SHISA6: variants seen among roughly 807,000 people sequenced by gnomAD.
The protein encoded by SHISA6 is protein shisa-6.
A neutral mutation model predicts 47.9 loss-of-function variants in SHISA6; 22 were observed. The observed-to-expected ratio is 0.46, with a 90% CI of 0.33 to 0.66. The LOEUF is 0.66. SHISA6 is among the 30% of genes least tolerant of loss of function. The pLI, the probability that SHISA6 is intolerant of heterozygous loss-of-function variation, is 0.02. For synonymous variants in SHISA6, 388 were observed against 337.8 expected, an observed-to-expected ratio of 1.15 and a Z score of -1.63; for missense variants, 680 against 764.6, an observed-to-expected ratio of 0.89 and a Z score of 1.30.
At chr17:11,454,697 A>C (rs1364215956) in intron 3 of SHISA6, among the ~76,000 whole-genome samples, 1 of 152,170 alleles carries the variant, frequency 6.6e-6, no homozygotes, top group Non-Finnish European at 1.5e-5. Context: ...CCACTTTCTC[A>C]AAGGCCCTTC....
intron 2 of SHISA6, among the ~76,000 whole-genome samples, chr17:11,284,329 A>G (rs534681363): frequency 8.5e-5 from 13 of 152,178 alleles, no homozygotes; most frequent in Non-Finnish European, 1.9e-4. Flanking sequence ...GATGTTTTCC[A>G]TCTTCTCTTC....
chr17:11,511,948 T>C (rs189473380), intron 3 of SHISA6, among the ~76,000 whole-genome samples: 138 of 152,288 alleles, frequency 9.1e-4, no homozygotes, highest in Admixed American at 3.1e-3. Context: ...CAAAGGGCCT[T>C]GGGCCAGGAT....
At position 11,241,462 on chromosome 17, in the gene SHISA6, C is replaced by G. The variant is rs749321565; in HGVS notation, c.40C>G (p.Leu14Val). Residue 14 changes from leucine (L) to valine (V), a missense_variant, in exon 1 of 6, where the codon CTG becomes GTG. Physicochemically the swap from Leu to Val is conservative, Grantham distance 32. This residue lies in a region of SHISA6 where 121 missense variants were observed against 90.5 expected (regional missense o/e 1.34). Transcript: ENST00000441885. The surrounding 1 kb of genome is among the most constrained non-coding windows in gnomAD (Gnocchi z 5.5). The stretch of plus-strand genomic sequence containing the variant: ...CCTCCTGCTGCTGCTGCTGCTCTCG[C>G]TGGAGTCCCTGGACCTGCTGCCCAG... ...RRLLLLLLLS[L>V]ESLDLLPSVH... is the part of the protein sequence containing the mutation. The G allele has an allele frequency of 9.9e-6, 12 of 1,214,296 alleles. 1 individual carries two copies. The South Asian group carries it at 1.6e-4, about 17-fold the overall frequency. The allele number at this position is 1,214,296 out of a possible 1,614,324, so 75.2% of individuals were successfully genotyped here.
chr17:11,282,173 T>G (rs925051041), intron 2 of SHISA6, among the ~76,000 whole-genome samples: 1 of 152,132 alleles, frequency 6.6e-6, no homozygotes, highest in Non-Finnish European at 1.5e-5. Context: ...TCAAAAGAGG[T>G]CCCCAAACTT....
chr17:11,483,130 C>T (rs192070856), intron 3 of SHISA6, among the ~76,000 whole-genome samples: 2 of 151,910 alleles, frequency 1.3e-5, no homozygotes, highest in East Asian at 1.9e-4. Context: ...GGAGAAACCC[C>T]GTCTCTACTA....
rs1417881880 is a variant in SHISA6 at position 11,241,334 on chromosome 17, C to T, written c.-89C>T. ...CGCTGACCGCTCAGCGCCTCCAGCC[C>T]GGCCCGCGCGGCGGGTCCTCCGAGC... On this transcript the variant is annotated 5_prime_UTR_variant, in exon 1 of 6. Transcript: ENST00000441885. The surrounding 1 kb of genome is among the most constrained non-coding windows in gnomAD (Gnocchi z 5.5). 2.6e-4 allele frequency: 224 copies of T among 853,152 alleles called. No homozygotes were observed. Among genetic ancestry groups the T allele is most frequent in the Non-Finnish European group, 3.1e-4 (219 of 708,084 alleles). 52.8% of individuals were successfully genotyped at this position (853,152 alleles called of 1,614,324 possible). A position where few individuals can be genotyped will look rare whatever the true frequency, so the allele number is the denominator to read the frequency against.
intron 3 of SHISA6, among the ~76,000 whole-genome samples, chr17:11,522,131 A>G (rs1011590491): frequency 6.6e-6 from 1 of 151,240 alleles, no homozygotes; most frequent in African/African-American, 2.4e-5. Flanking sequence ...ACGCCCGGCT[A>G]ATTTTTTGTA....
chr17:11,366,310 G>A (rs1912448117), intron 2 of SHISA6, among the ~76,000 whole-genome samples: 1 of 152,178 alleles, frequency 6.6e-6, no homozygotes. Context: ...ACCATGCCCA[G>A]CTAATTTTTT....
At chr17:11,307,505 C>T (rs879940530) in intron 2 of SHISA6, among the ~76,000 whole-genome samples, 5 of 152,192 alleles carry the variant, frequency 3.3e-5, no homozygotes, top group African/African-American at 7.2e-5. Flanking sequence ...TCAGCCCAGA[C>T]GTGGCTCACA....
intron 3 of SHISA6, among the ~76,000 whole-genome samples, chr17:11,509,762 T>C (rs1383924131): frequency 1.3e-5 from 2 of 152,118 alleles, no homozygotes; most frequent in African/African-American, 2.4e-5. Context: ...CACTCTGGGA[T>C]AGAAGAGAGA....
At chr17:11,491,662 G>T (rs989332392) in intron 3 of SHISA6, among the ~76,000 whole-genome samples, 1 of 152,020 alleles carries the variant, frequency 6.6e-6, no homozygotes, top group African/African-American at 2.4e-5. Flanking sequence ...ATGGACAAAA[G>T]GCCTGGAAGA....
intron 1 of SHISA6, among the ~76,000 whole-genome samples, chr17:11,251,149 G>A (rs1227459644): frequency 6.6e-6 from 1 of 152,056 alleles, no homozygotes; most frequent in African/African-American, 2.4e-5. Flanking sequence ...GAATGTAATG[G>A]AGTCAGTGAT....
chr17:11,290,930 C>T (rs1042815917), intron 2 of SHISA6: 7 of 151,784 alleles, frequency 4.6e-5, no homozygotes, highest in East Asian at 1.9e-4. Flanking sequence ...CATGCTGTAG[C>T]GCTGGTGATG....
chr17:11,417,501 C>G (rs1442861131), intron 3 of SHISA6, among the ~76,000 whole-genome samples: 1 of 152,214 alleles, frequency 6.6e-6, no homozygotes, highest in Non-Finnish European at 1.5e-5. Context: ...CTGACAATCA[C>G]AGTGGACATT....
At chr17:11,302,445 C>G (rs1321514912) in intron 2 of SHISA6, among the ~76,000 whole-genome samples, 1 of 152,178 alleles carries the variant, frequency 6.6e-6, no homozygotes, top group African/African-American at 2.4e-5. Context: ...CCCAGGACAT[C>G]CAGATCTTTT....
At position 11,245,757 on chromosome 17, in the gene SHISA6, G is replaced by GA. The variant is rs1567697989; in HGVS notation, c.638+3697_638+3698insA. Among the ~76,000 whole-genome samples, 981 of 145,180 alleles carry GA rather than the reference G, an allele frequency of 6.8e-3. 17 individuals are homozygous for GA. The highest frequency in any genetic ancestry group is 0.026 in the African/African-American group (934 of 35,628). Reference sequence around the variant, plus strand: ...AAAGAATGTGGGCAGGGTGGGGGGGGTGGATATCTAGGTGGGTGGGAAGAA... The same window carrying GA: ...AAAGAATGTGGGCAGGGTGGGGGGGGATGGATATCTAGGTGGGTGGGAAGAA... On this transcript the variant is annotated intron_variant, in intron 1 of 5. Coordinates refer to ENST00000441885, the MANE Select transcript of SHISA6 (RefSeq NM_207386.4).
chr17:11,433,491 A>G (rs1914848028), intron 3 of SHISA6, among the ~76,000 whole-genome samples: 1 of 152,116 alleles, frequency 6.6e-6, no homozygotes, highest in African/African-American at 2.4e-5. Flanking sequence ...ATTGATGGGC[A>G]TTTGGTTTGG....
intron 3 of SHISA6, among the ~76,000 whole-genome samples, chr17:11,393,223 A>G (rs1012047425): frequency 1.3e-5 from 2 of 152,174 alleles, no homozygotes; most frequent in African/African-American, 4.8e-5. Flanking sequence ...CTAGCTATAC[A>G]GTTGCTCAAG....
At position 11,557,989 on chromosome 17, in the gene SHISA6, C is replaced by G; in HGVS notation, c.1341C>G (p.Leu447=). The G allele has an allele frequency of 1.3e-6, 2 of 1,551,506 alleles. 1 individual carries two copies. The highest frequency in any genetic ancestry group is 2.4e-5 in the South Asian group (2 of 84,032). ...YDRILSDEQL[L]STERLHSQDP... ...GCATCCTGTCCGACGAGCAGCTGCT[C>G]TCCACGGAGCGCCTGCACTCCCAGG... The change falls in exon 6 of 6, where the codon CTC becomes CTG. Residue 447 remains leucine, a synonymous_variant. Coordinates refer to ENST00000441885, the MANE Select transcript of SHISA6 (RefSeq NM_207386.4).
Sources: gnomAD v4.1 joint callset for allele counts (sites outside exome capture counted in the v4.1 genomes callset) on GRCh38, gnomAD v4.1.1 for gene constraint, gnomAD v4.1.1 regional missense constraint, Gnocchi (gnomAD v3.1) non-coding constraint, MANE v1.5 for transcripts, NCBI Gene and HGNC (gene_info 2026-07-23, HGNC 2026-07-21) for gene names.